The following GJC1 variants were observed in gnomAD, a reference collection of about 807,000 sequenced individuals.
GJC1 encodes gap junction protein gamma 1.
In GJC1, 5 loss-of-function variants were observed where a neutral mutation model predicts 29.3. The ratio of observed to expected loss-of-function variants is 0.17; its 90% CI spans 0.09 to 0.36. GJC1 has a LOEUF of 0.36. Among genes scored for constraint, GJC1 ranks in the 10% least tolerant of loss-of-function variants. GJC1 has a pLI of 1.00. For missense variants in GJC1, 310 were observed against 496.2 expected, an observed-to-expected ratio of 0.62 and a Z score of 3.56; for synonymous variants, 177 against 183.3, an observed-to-expected ratio of 0.97 and a Z score of 0.28.
chr17:44,804,499 C>G lies in GJC1; in HGVS notation c.*128G>C. ...AGCCCCGCCTCCAGAGTCCCCTGAG[C>G]TTGGATCATGAGCCAACAGCATCCC... On this transcript the variant is annotated 3_prime_UTR_variant, in exon 3 of 3. Coordinates refer to ENST00000592524, the MANE Select transcript of GJC1 (RefSeq NM_005497.4). The G allele has an allele frequency of 1.3e-6, 1 of 752,172 alleles. No homozygotes were observed. The highest frequency in any genetic ancestry group is 1.8e-5 in the African/African-American group (1 of 57,008). The allele number at this position is 752,172 out of a possible 1,614,324, so 46.6% of individuals were successfully genotyped here.
intron 1 of GJC1, among the ~76,000 whole-genome samples, chr17:44,810,534 G>C (rs972552104): frequency 6.6e-6 from 1 of 152,170 alleles, no homozygotes; most frequent in Non-Finnish European, 1.5e-5. Flanking sequence ...GAGCCACAGA[G>C]TATGGGTACT....
chr17:44,804,721 C>T lies in GJC1; in HGVS notation c.1097G>A (p.Arg366Gln), dbSNP rs372045188. The change falls in exon 3 of 3, where the codon CGG becomes CAG. Residue 366 changes from arginine to glutamine, a missense_variant. By Grantham distance (43) the Arg-to-Gln change is conservative. Around this residue, in one of 4 missense-constraint regions of GJC1, gnomAD observed 146 missense variants for 165.0 expected, o/e 0.88. Coordinates refer to ENST00000592524, the MANE Select transcript of GJC1 (RefSeq NM_005497.4). The stretch of plus-strand genomic sequence containing the variant: ...GGACCCCACTTTGGCCTTCTTCTCC[C>T]GGGGACCATGAGGGTTGTTTTGGTG... Reference protein sequence around the residue: ...YSHQNNPHGPREKKAKVGSKA... With the variant: ...YSHQNNPHGPQEKKAKVGSKA... 7.4e-6 allele frequency: 12 copies of T among 1,614,158 alleles called. No individual in the cohort carries two copies. Among genetic ancestry groups the T allele is most frequent in the Middle Eastern group, 1.6e-4 (1 of 6,062 alleles).
At chr17:44,823,410 C>T (rs1478291155) in intron 1 of GJC1, among the ~76,000 whole-genome samples, 1 of 151,818 alleles carries the variant, frequency 6.6e-6, no homozygotes, top group East Asian at 1.9e-4. Context: ...TGCCACCAGG[C>T]CCAGCTAATT....
rs1161056007 is a variant in GJC1 at position 44,798,505 on chromosome 17, GCA to G, written c.*6120_*6121del. 6.6e-6 allele frequency: 1 copy of G among 152,178 alleles called. No homozygotes were observed. 9.4% of individuals were successfully genotyped at this position (152,178 alleles called of 1,614,324 possible). The stretch of plus-strand genomic sequence containing the variant: ...AATCTTCCTAGAGACAAGGCCCTGA[GCA>G]CACAGAGTCCGTCTCCACCATGAAA... On this transcript the variant is annotated 3_prime_UTR_variant, in exon 3 of 3. Coordinates refer to ENST00000592524, the MANE Select transcript of GJC1 (RefSeq NM_005497.4).
upstream of GJC1, chr17:44,830,656 T>C (rs576895111): frequency 7.5e-6 from 3 of 398,602 alleles, no homozygotes; most frequent in South Asian, 3.8e-4. The surrounding 1 kb of genome is among the most constrained non-coding windows in gnomAD (Gnocchi z 4.3). Context: ...CCTGGGTTGG[T>C]TTAGCGGGCC....
chr17:44,825,735 A>C (rs1352102131), intron 1 of GJC1, among the ~76,000 whole-genome samples: 1 of 151,648 alleles, frequency 6.6e-6, no homozygotes, highest in Non-Finnish European at 1.5e-5. Context: ...AGATCGTGCC[A>C]CTGCACTCCA....
At position 44,799,918 on chromosome 17, in the gene GJC1, C is replaced by CA. The variant is rs1464313057; in HGVS notation, c.*4708dup. The CA allele has an allele frequency of 6.6e-6, 1 of 152,182 alleles. No individual in the cohort carries two copies. The highest frequency in any genetic ancestry group is 1.5e-5 in the Non-Finnish European group (1 of 68,056). 9.4% of individuals were successfully genotyped at this position (152,182 alleles called of 1,614,324 possible). ...TGGGCTCAAAACAAACCCCAAAAAA[C>CA]AAAACCAAACATCAATAGAACTACA... is the stretch of plus-strand genomic sequence containing the variant. On this transcript the variant is annotated 3_prime_UTR_variant, in exon 3 of 3. Coordinates refer to ENST00000592524, the MANE Select transcript of GJC1 (RefSeq NM_005497.4).
At chr17:44,807,071 G>A (rs1252175100) in intron 2 of GJC1, among the ~76,000 whole-genome samples, 2 of 152,106 alleles carry the variant, frequency 1.3e-5, no homozygotes, top group African/African-American at 4.8e-5. Context: ...CTATATAACA[G>A]AATCTACAAA....
intron 1 of GJC1, among the ~76,000 whole-genome samples, chr17:44,823,249 T>A (rs1005681012): frequency 6.9e-5 from 2 of 29,028 alleles, no homozygotes; most frequent in African/African-American, 1.8e-4. Flanking sequence ...TTCTTTCCTG[T>A]TTTTTTTTTT....
At chr17:44,797,868 A>G (rs1050275746), downstream of GJC1, 11 of 152,214 alleles carry the variant, frequency 7.2e-5, no homozygotes, top group African/African-American at 2.7e-4. Flanking sequence ...TGGTTGGCTG[A>G]CCAGTTTACA....
intron 1 of GJC1, among the ~76,000 whole-genome samples, chr17:44,821,725 A>C (rs1218151204): frequency 5.7e-5 from 6 of 105,000 alleles, no homozygotes; most frequent in East Asian, 2.6e-4. Context: ...AAAAAAAAAA[A>C]CAACAAAAAA....
In GJC1 at chr17:44,804,826, A is replaced by G. The variant is rs766464726; in HGVS notation, c.992T>C (p.Leu331Pro). ...EQQYGSHEEN[L>P]PADLEALQRE... The stretch of plus-strand genomic sequence containing the variant: ...CTGCAGAGCCTCCAGGTCAGCTGGG[A>G]GGTTCTCCTCATGGCTGCCATACTG... Residue 331 changes from leucine (L) to proline (P), a missense_variant, in exon 3 of 3, where the codon CTC (leucine) becomes CCC (proline). Physicochemically the swap from Leu to Pro is moderately conservative, Grantham distance 98 (BLOSUM62 -3). Coordinates refer to ENST00000592524, the MANE Select transcript of GJC1 (RefSeq NM_005497.4). 5.0e-6 allele frequency: 8 copies of G among 1,614,112 alleles called. 1 individual carries two copies. The South Asian group carries it at 7.7e-5, about 16-fold the overall frequency.
chr17:44,827,064 C>T (rs1415068240), intron 1 of GJC1, among the ~76,000 whole-genome samples: 1 of 152,182 alleles, frequency 6.6e-6, no homozygotes, highest in Non-Finnish European at 1.5e-5. Flanking sequence ...AATCCCAGCA[C>T]TCTGGAAGGC....
At chr17:44,823,100 CAT>C (rs1321479038) in intron 1 of GJC1, among the ~76,000 whole-genome samples, 1 of 151,932 alleles carries the variant, frequency 6.6e-6, no homozygotes, top group Admixed American at 6.6e-5. Context: ...ATACTACAAA[CAT>C]GTGAATGAAA....
At chr17:44,806,118 CA>C (rs1251979704) in intron 2 of GJC1, among the ~76,000 whole-genome samples, 2 of 152,004 alleles carry the variant, frequency 1.3e-5, no homozygotes, top group Admixed American at 6.6e-5. Context: ...TACAAAAATA[CA>C]AAAATTACCC....
In GJC1 at chr17:44,804,754, G is replaced by A. The variant is rs775945679; in HGVS notation, c.1064C>T (p.Ala355Val). Reference sequence around the variant, plus strand: ...ATGAGGGTTGTTTTGGTGACTGTAGGCCTGAACTGCCAGATCCAAGCGTTC... The same window carrying A: ...ATGAGGGTTGTTTTGGTGACTGTAGACCTGAACTGCCAGATCCAAGCGTTC... ...AQERLDLAVQAYSHQNNPHGP... is the reference protein window; with the variant it reads ...AQERLDLAVQVYSHQNNPHGP... Residue 355 changes from alanine to valine, a missense_variant, in exon 3 of 3, where the codon GCC becomes GTC. By Grantham distance (64) the Ala-to-Val change is moderately conservative. Around this residue, in one of 4 missense-constraint regions of GJC1, gnomAD observed 146 missense variants for 165.0 expected, o/e 0.88. Transcript: ENST00000592524. The A allele has an allele frequency of 6.2e-7, 1 of 1,614,150 alleles. No homozygotes were observed. The highest frequency in any genetic ancestry group is 8.5e-7 in the Non-Finnish European group (1 of 1,180,028).
intron 1 of GJC1, among the ~76,000 whole-genome samples, chr17:44,816,322 A>G (rs979402472): frequency 3.9e-5 from 6 of 152,192 alleles, no homozygotes; most frequent in African/African-American, 1.4e-4. Context: ...AATAACTTAG[A>G]CACAAATCTA....
At chr17:44,826,656 A>G (rs2050180443) in intron 1 of GJC1, among the ~76,000 whole-genome samples, 1 of 152,210 alleles carries the variant, frequency 6.6e-6, no homozygotes, top group Admixed American at 6.6e-5. Flanking sequence ...GACTGCTCTC[A>G]GCCAACTACA....
chr17:44,823,695 G>A (rs2050138448), intron 1 of GJC1, among the ~76,000 whole-genome samples: 1 of 151,534 alleles, frequency 6.6e-6, no homozygotes, highest in Non-Finnish European at 1.5e-5. Flanking sequence ...GAGGCACCAT[G>A]CCTGGCCTTT....
Sources: gnomAD v4.1 joint callset for allele counts (sites outside exome capture counted in the v4.1 genomes callset) on GRCh38, gnomAD v4.1.1 for gene constraint, gnomAD v4.1.1 regional missense constraint, Gnocchi (gnomAD v3.1) non-coding constraint, MANE v1.5 for transcripts, NCBI Gene and HGNC (gene_info 2026-07-23, HGNC 2026-07-21) for gene names.